Variants in CYFIP1 observed in about 807,000 individuals in gnomAD.
CYFIP1 encodes the protein cytoplasmic FMR1-interacting protein 1.
Under a neutral mutation model 163.5 loss-of-function variants are expected in CYFIP1, and 58 were observed. The ratio of observed to expected loss-of-function variants is 0.35; its 90% CI spans 0.29 to 0.44. The LOEUF is 0.44. Ranked by LOEUF, CYFIP1 falls within the 20% of genes least tolerant of loss-of-function variation. The pLI is 1.00. For synonymous variants in CYFIP1, 663 were observed against 660.7 expected (o/e 1.00, Z -0.05); for missense variants, 1,338 against 1,653.8 (o/e 0.81, Z 3.31).
chr15:22,940,040 C>A (rs114102518), intron 6 of CYFIP1, among the ~76,000 whole-genome samples: 1 of 152,152 alleles, frequency 6.6e-6, no homozygotes, highest in Non-Finnish European at 1.5e-5. Flanking sequence ...TAGCTACACC[C>A]GTACGTGAGG....
At chr15:22,901,919 G>A (rs2060405746) in intron 22 of CYFIP1, among the ~76,000 whole-genome samples, 1 of 152,174 alleles carries the variant, frequency 6.6e-6, no homozygotes, top group Non-Finnish European at 1.5e-5. Context: ...CAACACTCAC[G>A]GAAGGTGGAG....
rs567310617 is a variant in CYFIP1 at position 22,966,647 on chromosome 15, A to T, written c.-7+13640T>A. On this transcript the variant is annotated intron_variant, in intron 1 of 30. Transcript: ENST00000617928. ...GAGGGGTTTGTTCCTGCCGGGGATGAAGAAGGACCTGAGTTGTGGCCAACA... is the reference window on the plus strand; with the variant it reads ...GAGGGGTTTGTTCCTGCCGGGGATGTAGAAGGACCTGAGTTGTGGCCAACA... 5.9e-5 allele frequency among the ~76,000 whole-genome samples: 9 copies of T among 152,116 alleles called. No individual in the cohort carries two copies. In the East Asian group the frequency reaches 1.6e-3, roughly 26 times the overall value.
Position 22,915,704 on chromosome 15 carries a change from G to A in CYFIP1, c.1828+773C>T, listed in dbSNP as rs557518822. Among the ~76,000 whole-genome samples, 7 of 152,178 alleles carry A rather than the reference G, an allele frequency of 4.6e-5. No individual in the cohort carries two copies. In the East Asian group the frequency reaches 5.8e-4, roughly 13 times the overall value. Reference sequence around the variant, plus strand: ...GCGGAGCTTGCAGTGAGCTGAGATCGCCCCACTGTACTCTAGCCTGGGTGA... The same window carrying A: ...GCGGAGCTTGCAGTGAGCTGAGATCACCCCACTGTACTCTAGCCTGGGTGA... On this transcript the variant is annotated intron_variant, in intron 16 of 30. Transcript: ENST00000617928.
rs1323940553 is a variant in CYFIP1 at position 22,867,149 on chromosome 15, CTTTAT to C, written c.*2874_*2878del. 3.4e-5 allele frequency: 15 copies of C among 447,654 alleles called. No individual in the cohort carries two copies. The highest frequency in any genetic ancestry group is 1.5e-4 in the Admixed American group (4 of 25,916). The allele number at this position is 447,654 out of a possible 1,614,324, so 27.7% of individuals were successfully genotyped here. A position where few individuals can be genotyped will look rare whatever the true frequency, so the allele number is the denominator to read the frequency against. The stretch of plus-strand genomic sequence containing the variant: ...TGACAGTTTTAAGTCTATGAAAATG[CTTTAT>C]TTTTTCATTGGTGATGAAAGTCTGA... On this transcript the variant is annotated 3_prime_UTR_variant, in exon 31 of 31. Coordinates refer to ENST00000617928, the MANE Select transcript of CYFIP1 (RefSeq NM_014608.6).
At chr15:22,931,773 C>T (rs963319062) in intron 11 of CYFIP1, among the ~76,000 whole-genome samples, 2 of 137,982 alleles carry the variant, frequency 1.4e-5, no homozygotes, top group Non-Finnish European at 3.1e-5. Context: ...ATAATGGGTG[C>T]TTTTGAAGTA....
At chr15:22,878,778 A>G (rs2059660265) in intron 26 of CYFIP1, among the ~76,000 whole-genome samples, 1 of 152,112 alleles carries the variant, frequency 6.6e-6, no homozygotes, top group Non-Finnish European at 1.5e-5. Flanking sequence ...GTAAGCCACA[A>G]ATGGGAGAAG....
chr15:22,916,531 T>C lies in CYFIP1; in HGVS notation c.1774A>G (p.Ile592Val), dbSNP rs771698062. 32 of 1,613,986 alleles carry C rather than the reference T, an allele frequency of 2.0e-5. No homozygotes were observed. The highest frequency in any genetic ancestry group is 2.5e-5 in the Non-Finnish European group (29 of 1,179,942). The change falls in exon 16 of 31, where the codon ATA becomes GTA. Residue 592 changes from isoleucine to valine, a missense_variant. Around this residue, in one of 4 missense-constraint regions of CYFIP1, gnomAD observed 824 missense variants for 995.7 expected, o/e 0.83. Coordinates refer to ENST00000617928, the MANE Select transcript of CYFIP1 (RefSeq NM_014608.6). The part of the protein sequence containing the change: ...SSLEGPTILD[I>V]EKFHRESFFY... The stretch of plus-strand genomic sequence containing the variant: ...AATGACTCTCGATGAAATTTTTCTA[T>C]GTCCAATATGGTGGGCCCCTCAAGG...
At chr15:22,879,479 C>T (rs7166665) in intron 26 of CYFIP1, among the ~76,000 whole-genome samples, 6 of 152,088 alleles carry the variant, frequency 3.9e-5, no homozygotes, top group African/African-American at 9.7e-5. Context: ...CCATGGGGCA[C>T]GTGCAGCCAT....
At chr15:22,918,964 G>T in intron 13 of CYFIP1, 106 bp from the exon 14 acceptor site, 1 of 876,696 alleles carries the variant, frequency 1.1e-6, no homozygotes, top group Non-Finnish European at 1.8e-6. Flanking sequence ...AGCACCTTAC[G>T]CCCTCCCGCG....
chr15:22,957,182 G>C (rs2140171379), intron 1 of CYFIP1, among the ~76,000 whole-genome samples: 1 of 152,346 alleles, frequency 6.6e-6, no homozygotes, highest in Admixed American at 6.5e-5. Flanking sequence ...GGTCTTCCCA[G>C]CATTTCTAAA....
chr15:22,949,614 C>T (rs2062181802), intron 1 of CYFIP1, among the ~76,000 whole-genome samples: 1 of 151,940 alleles, frequency 6.6e-6, no homozygotes, highest in Admixed American at 6.5e-5. Flanking sequence ...TTTCAGTGTA[C>T]ATAAATGTAA....
chr15:22,979,319 G>C (rs905805781), intron 1 of CYFIP1, among the ~76,000 whole-genome samples: 1 of 152,154 alleles, frequency 6.6e-6, no homozygotes, highest in Non-Finnish European at 1.5e-5. Flanking sequence ...CTGCCGCCAA[G>C]CTGTCAAGCA....
chr15:22,929,702 G>A (rs1431110617), intron 11 of CYFIP1, among the ~76,000 whole-genome samples: 8 of 147,070 alleles, frequency 5.4e-5, no homozygotes, highest in African/African-American at 1.0e-4. Context: ...TTGGGAGGCC[G>A]AGACGGGCGG....
At chr15:22,907,684 C>T (rs1247525657) in intron 21 of CYFIP1, among the ~76,000 whole-genome samples, 1 of 152,256 alleles carries the variant, frequency 6.6e-6, no homozygotes, top group African/African-American at 2.4e-5. Context: ...TTCAGGCTTA[C>T]TGCCTACTAG....
intron 13 of CYFIP1, among the ~76,000 whole-genome samples, chr15:22,925,054 GTGT>G (rs2061315428): frequency 6.6e-6 from 1 of 152,132 alleles, no homozygotes; most frequent in Non-Finnish European, 1.5e-5. Context: ...CACTGTTGTA[GTGT>G]TATTTTTTCT....
In CYFIP1 at chr15:22,867,258, AATACATTATCCTGT is replaced by A; in HGVS notation, c.*2756_*2769del. On this transcript the variant is annotated 3_prime_UTR_variant, in exon 31 of 31. Transcript: ENST00000617928. Reference sequence around the variant, plus strand: ...TATTTTAAAAAAACAGAGTTATCCCAATACATTATCCTGTGATTTACCTTACCTACAAAAGTGGC... The same window carrying A: ...TATTTTAAAAAAACAGAGTTATCCCAGATTTACCTTACCTACAAAAGTGGC... 2.5e-6 allele frequency: 1 copy of A among 402,158 alleles called. No homozygotes were observed. The highest frequency in any genetic ancestry group is 4.4e-6 in the Non-Finnish European group (1 of 228,474). The allele number at this position is 402,158 out of a possible 1,614,324, so 24.9% of individuals were successfully genotyped here. A position where few individuals can be genotyped will look rare whatever the true frequency, so the allele number is the denominator to read the frequency against.
At position 22,877,273 on chromosome 15, in the gene CYFIP1, C is replaced by T. The variant is rs1002415327; in HGVS notation, c.3043-2002G>A. Among the ~76,000 whole-genome samples the T allele has an allele frequency of 2.6e-5, 4 of 152,152 alleles. No individual in the cohort carries two copies. In the South Asian group the frequency reaches 6.2e-4, roughly 24 times the overall value. On this transcript the variant is annotated intron_variant, in intron 26 of 30. Coordinates refer to ENST00000617928, the MANE Select transcript of CYFIP1 (RefSeq NM_014608.6). ...TTTGTTCTCTTGGCAACACCCGCTTCCCCTTCTCTGTTCCCCCAGAGCTGA... is the reference window on the plus strand; with the variant it reads ...TTTGTTCTCTTGGCAACACCCGCTTTCCCTTCTCTGTTCCCCCAGAGCTGA...
chr15:22,868,860 C>CAGTT lies in CYFIP1; in HGVS notation c.*1164_*1167dup, dbSNP rs1232585469. On this transcript the variant is annotated 3_prime_UTR_variant, in exon 31 of 31. Coordinates refer to ENST00000617928, the MANE Select transcript of CYFIP1 (RefSeq NM_014608.6). ...GCCAGGCTACAATATAAAGTGAGTTCAGTTAATCATGCTGGACTTGTGTTT... is the reference window on the plus strand; with the variant it reads ...GCCAGGCTACAATATAAAGTGAGTTCAGTTAGTTAATCATGCTGGACTTGTGTTT... The CAGTT allele has an allele frequency of 6.6e-6, 1 of 152,176 alleles. No homozygotes were observed. The highest frequency in any genetic ancestry group is 6.5e-5 in the Admixed American group (1 of 15,278). The allele number at this position is 152,176 out of a possible 1,614,324, so 9.4% of individuals were successfully genotyped here. A position where few individuals can be genotyped will look rare whatever the true frequency, so the allele number is the denominator to read the frequency against.
At chr15:22,929,469 T>C (rs1474658454) in intron 11 of CYFIP1, among the ~76,000 whole-genome samples, 1 of 151,294 alleles carries the variant, frequency 6.6e-6, no homozygotes, top group African/African-American at 2.4e-5. Flanking sequence ...CCGTCTCTAC[T>C]AAAAATACAA....
Sources: gnomAD v4.1 joint callset for allele counts (sites outside exome capture counted in the v4.1 genomes callset) on GRCh38, gnomAD v4.1.1 for gene constraint, gnomAD v4.1.1 regional missense constraint, MANE v1.5 for transcripts, NCBI Gene and HGNC (gene_info 2026-07-23, HGNC 2026-07-21) for gene names.